The following ARPP19 variants were observed in gnomAD, a reference collection of about 807,000 sequenced individuals.
ARPP19 encodes cAMP-regulated phosphoprotein 19.
In ARPP19, 8 loss-of-function variants were observed where a neutral mutation model predicts 12.0. The ratio of observed to expected loss-of-function variants is 0.67; its 90% CI spans 0.39 to 1.21. The LOEUF is 1.21. Ranked by LOEUF, ARPP19 falls within the 50% of genes most tolerant of loss-of-function variation. The pLI is 0.01. For missense variants in ARPP19, 102 were observed against 136.3 expected, an observed-to-expected ratio of 0.75 and a Z score of 1.25; for synonymous variants, 47 against 50.4, an observed-to-expected ratio of 0.93 and a Z score of 0.29.
intron 1 of ARPP19, chr15:52,557,797 C>T (rs1284576221): frequency 6.6e-6 from 1 of 151,852 alleles, no homozygotes; most frequent in Non-Finnish European, 1.5e-5. Flanking sequence ...CTAGGCTGGT[C>T]TTGAACTCCT....
At chr15:52,557,605 T>C (rs1030637064) in intron 1 of ARPP19, 3 of 154,188 alleles carry the variant, frequency 1.9e-5, no homozygotes, top group African/African-American at 4.8e-5. Flanking sequence ...ATATACAGAA[T>C]TTTTTCTATT....
At chr15:52,553,093 A>C (rs1595861158) in intron 2 of ARPP19, among the ~76,000 whole-genome samples, 1 of 151,332 alleles carries the variant, frequency 6.6e-6, no homozygotes, top group Non-Finnish European at 1.5e-5. Context: ...AAAAAAACCA[A>C]CCCCCCCATA....
intron 1 of ARPP19, among the ~76,000 whole-genome samples, chr15:52,561,917 C>T (rs2078036364): frequency 6.7e-6 from 1 of 149,220 alleles, no homozygotes; most frequent in South Asian, 2.1e-4. Context: ...CAAAACAGAG[C>T]TAGTGCAGTG....
intron 1 of ARPP19, among the ~76,000 whole-genome samples, chr15:52,567,370 T>A (rs2078093219): frequency 6.6e-6 from 1 of 152,226 alleles, no homozygotes; most frequent in Non-Finnish European, 1.5e-5. Context: ...CAATACTGCA[T>A]ACTTTGGCAA....
rs2077924438 is a variant in ARPP19, at chr15:52,550,952, T to C, written c.*982A>G. On this transcript the variant is annotated 3_prime_UTR_variant, in exon 3 of 3. Transcript: ENST00000249822. ...GGACAAAAGATATGCCTAAGCAACATATCGTATTTGCACAAGGCCACTGAA... is the reference window on the plus strand; with the variant it reads ...GGACAAAAGATATGCCTAAGCAACACATCGTATTTGCACAAGGCCACTGAA... 6.6e-6 allele frequency: 1 copy of C among 152,624 alleles called. No individual in the cohort carries two copies. Among genetic ancestry groups the C allele is most frequent in the Non-Finnish European group, 1.5e-5 (1 of 68,050 alleles). 9.5% of individuals were successfully genotyped at this position (152,624 alleles called of 1,614,324 possible). A position where few individuals can be genotyped will look rare whatever the true frequency, so the allele number is the denominator to read the frequency against.
At chr15:52,567,398 T>A (rs921241310) in intron 1 of ARPP19, among the ~76,000 whole-genome samples, 2 of 152,166 alleles carry the variant, frequency 1.3e-5, no homozygotes, top group African/African-American at 4.8e-5. Flanking sequence ...ACAGAACTTA[T>A]CAAAGAAAAT....
At chr15:52,566,445 C>T (rs2078082865) in intron 1 of ARPP19, among the ~76,000 whole-genome samples, 1 of 152,160 alleles carries the variant, frequency 6.6e-6, no homozygotes, top group Non-Finnish European at 1.5e-5. Flanking sequence ...AGCTGTGAGC[C>T]ACAGCACAGG....
At position 52,548,287 on chromosome 15, in the gene ARPP19, G is replaced by C. The variant is rs1202207398; in HGVS notation, c.*3647C>G. ...GGATCACCTGAGGTCAGGAGTTCGA[G>C]ACCAGCCTGGCCAACATGGTGAAAC... On this transcript the variant is annotated 3_prime_UTR_variant, in exon 3 of 3. Coordinates refer to ENST00000249822, the MANE Select transcript of ARPP19 (RefSeq NM_006628.6). 2.0e-5 allele frequency: 3 copies of C among 152,186 alleles called. No individual in the cohort carries two copies. The highest frequency in any genetic ancestry group is 4.4e-5 in the Non-Finnish European group (3 of 68,034). 9.4% of individuals were successfully genotyped at this position (152,186 alleles called of 1,614,324 possible). A position where few individuals can be genotyped will look rare whatever the true frequency, so the allele number is the denominator to read the frequency against.
rs1262522769 is a variant in ARPP19, at chr15:52,550,629, GAAA to G, written c.*1302_*1304del. The G allele has an allele frequency of 6.6e-6, 1 of 151,928 alleles. No homozygotes were observed. The highest frequency in any genetic ancestry group is 1.5e-5 in the Non-Finnish European group (1 of 68,002). 9.4% of individuals were successfully genotyped at this position (151,928 alleles called of 1,614,324 possible). The stretch of plus-strand genomic sequence containing the variant: ...AAGGCCCTATCCTAAAAAAAAAAGA[GAAA>G]GAAGTTAACAACTGAGAAATTAGAA... On this transcript the variant is annotated 3_prime_UTR_variant, in exon 3 of 3. Coordinates refer to ENST00000249822, the MANE Select transcript of ARPP19 (RefSeq NM_006628.6).
chr15:52,563,923 A>C (rs144071555), intron 1 of ARPP19, among the ~76,000 whole-genome samples: 41 of 152,338 alleles, frequency 2.7e-4, no homozygotes, highest in Middle Eastern at 6.8e-3. Flanking sequence ...GCATTTAATG[A>C]ATGTTCAATA....
chr15:52,564,208 C>T (rs868688060), intron 1 of ARPP19: 23 of 1,534,092 alleles, frequency 1.5e-5, no homozygotes, highest in South Asian at 1.3e-4. Context: ...TGTTAGGAAT[C>T]GATGGTTGCA....
chr15:52,547,909 G>A lies in ARPP19; in HGVS notation c.*4025C>T, dbSNP rs560987054. On this transcript the variant is annotated 3_prime_UTR_variant, in exon 3 of 3. Coordinates refer to ENST00000249822, the MANE Select transcript of ARPP19 (RefSeq NM_006628.6). ...CATCAATGGGCTTAAGAAATAAGCA[G>A]GGATGGGGGATAGAGAGGCAAAATG... The A allele has an allele frequency of 8.5e-5, 13 of 152,362 alleles. No individual in the cohort carries two copies. Among genetic ancestry groups the A allele is most frequent in the African/African-American group, 3.1e-4 (13 of 41,580 alleles). 9.4% of individuals were successfully genotyped at this position (152,362 alleles called of 1,614,324 possible). A position where few individuals can be genotyped will look rare whatever the true frequency, so the allele number is the denominator to read the frequency against.
chr15:52,563,468 T>C (rs1381648889), intron 1 of ARPP19, among the ~76,000 whole-genome samples: 1 of 152,198 alleles, frequency 6.6e-6, no homozygotes, highest in Non-Finnish European at 1.5e-5. Context: ...TTAAGAACAG[T>C]ATTTTTAATA....
At position 52,551,191 on chromosome 15, in the gene ARPP19, G is replaced by A. The variant is rs1196429346; in HGVS notation, c.*743C>T. 1 of 152,718 alleles carries A rather than the reference G, an allele frequency of 6.5e-6. No individual in the cohort carries two copies. Among genetic ancestry groups the A allele is most frequent in the Admixed American group, 6.5e-5 (1 of 15,282 alleles). 9.5% of individuals were successfully genotyped at this position (152,718 alleles called of 1,614,324 possible). A position where few individuals can be genotyped will look rare whatever the true frequency, so the allele number is the denominator to read the frequency against. On this transcript the variant is annotated 3_prime_UTR_variant, in exon 3 of 3. Transcript: ENST00000249822. ...GAAATTAATACAGACATTTGTGAGA[G>A]GTTGTGCAAAACTACTGTATTTACA...
At chr15:52,567,798 G>C (rs1595869961) in intron 1 of ARPP19, among the ~76,000 whole-genome samples, 1 of 152,098 alleles carries the variant, frequency 6.6e-6, no homozygotes, top group Admixed American at 6.5e-5. Flanking sequence ...AATGGGCTTA[G>C]AACACTAATC....
chr15:52,564,226 A>G, intron 1 of ARPP19: 1 of 1,534,852 alleles, frequency 6.5e-7, no homozygotes, highest in Non-Finnish European at 8.7e-7. Flanking sequence ...GCAGAGACCA[A>G]GGGAGCATGT....
chr15:52,558,744 A>G (rs895633489), intron 1 of ARPP19, among the ~76,000 whole-genome samples: 1 of 151,862 alleles, frequency 6.6e-6, no homozygotes, highest in Non-Finnish European at 1.5e-5. Flanking sequence ...AACTTCATAA[A>G]ATTTTGGCAT....
chr15:52,557,375 TC>T, intron 1 of ARPP19, 153 bp from the exon 2 acceptor site: 1 of 625,376 alleles, frequency 1.6e-6, no homozygotes, highest in Non-Finnish European at 2.7e-6. Context: ...TTAAAACATC[TC>T]TATCTTGTTT....
intron 1 of ARPP19, among the ~76,000 whole-genome samples, chr15:52,563,450 C>T (rs940953557): frequency 6.6e-6 from 1 of 151,996 alleles, no homozygotes; most frequent in Non-Finnish European, 1.5e-5. Context: ...AAAACAAAAA[C>T]AAAAATCTTA....
Sources: gnomAD v4.1 joint callset for allele counts (sites outside exome capture counted in the v4.1 genomes callset) on GRCh38, gnomAD v4.1.1 for gene constraint, MANE v1.5 for transcripts, NCBI Gene and HGNC (gene_info 2026-07-23, HGNC 2026-07-21) for gene names.